Variants in ANHX observed in about 807,000 individuals in gnomAD.
The protein encoded by ANHX is anomalous homeobox.
ANHX carries 20 observed loss-of-function variants against 38.9 expected under a neutral mutation model. The ratio of observed to expected loss-of-function variants is 0.51; its 90% CI spans 0.36 to 0.75. ANHX has a LOEUF of 0.75. ANHX is among the 30% of genes least tolerant of loss of function. The pLI is 0.00. For missense variants in ANHX, 475 were observed against 493.1 expected, an observed-to-expected ratio of 0.96 and a Z score of 0.35; for synonymous variants, 185 against 203.1, an observed-to-expected ratio of 0.91 and a Z score of 0.76.
At chr12:133,232,573 C>A (rs1313209468) in intron 2 of ANHX, among the ~76,000 whole-genome samples, 3 of 152,176 alleles carry the variant, frequency 2.0e-5, no homozygotes, top group Non-Finnish European at 4.4e-5. Context: ...GAACACCCTG[C>A]ACAGGCTGGG....
intron 9 of ANHX, 45 bp from the exon 10 acceptor site, chr12:133,219,016 C>A: frequency 6.7e-7 from 1 of 1,488,142 alleles, no homozygotes; most frequent in Non-Finnish European, 9.0e-7. Flanking sequence ...CCTTTCCAGG[C>A]TCAAGACCTG....
At chr12:133,225,305 A>G (rs146542371) in intron 7 of ANHX, among the ~76,000 whole-genome samples, 6,849 of 149,308 alleles carry the variant, frequency 0.046, 181 homozygotes, top group African/African-American at 0.075. Flanking sequence ...CTTCAGTGAT[A>G]TGCATACATA....
At chr12:133,223,138 G>A (rs1432575132) in intron 7 of ANHX, among the ~76,000 whole-genome samples, 2 of 151,810 alleles carry the variant, frequency 1.3e-5, no homozygotes, top group Admixed American at 6.6e-5. Flanking sequence ...TCAGTGAGCC[G>A]AGATCGCACC....
chr12:133,233,039 G>GGGTA (rs1173285102), intron 2 of ANHX, among the ~76,000 whole-genome samples: 1 of 152,200 alleles, frequency 6.6e-6, no homozygotes, highest in Non-Finnish European at 1.5e-5. Flanking sequence ...GAAACCAGAA[G>GGGTA]GGTAGGTAGG....
In ANHX at chr12:133,221,540, T is replaced by C. The variant is rs1957108773; in HGVS notation, c.1133-188A>G. Among the ~76,000 whole-genome samples, 1 of 152,298 alleles carries C rather than the reference T, an allele frequency of 6.6e-6. No homozygotes were observed. Among genetic ancestry groups the C allele is most frequent in the Non-Finnish European group, 1.5e-5 (1 of 68,014 alleles). ...CTGAGGAAGGAACTGTCACAACCAT[T>C]GATCTCAACAGCCTTCCAGGCTTCC... is the stretch of plus-strand genomic sequence containing the variant. On this transcript the variant is annotated intron_variant, in intron 7 of 9. Coordinates refer to ENST00000545940, the MANE Select transcript of ANHX (RefSeq NM_001372060.1). This position sits in a 1 kb window ranked among gnomAD's most constrained non-coding sequence, Gnocchi z 4.1.
intron 1 of ANHX, 68 bp downstream of exon 1, chr12:133,235,739 A>T (rs1376312678): frequency 2.6e-5 from 1 of 38,182 alleles, no homozygotes; most frequent in East Asian, 7.9e-4. Context: ...CGCCCCTCAC[A>T]TTCCAGGCCC....
At chr12:133,220,644 G>A (rs1014937830) in intron 8 of ANHX, among the ~76,000 whole-genome samples, 3 of 152,120 alleles carry the variant, frequency 2.0e-5, no homozygotes, top group Admixed American at 6.5e-5. Context: ...AGGATGGGGC[G>A]TCTGCTAGAA....
Position 133,227,152 on chromosome 12 carries a change from C to A in ANHX, c.502G>T (p.Glu168Ter). 1 of 1,533,188 alleles carries A rather than the reference C, an allele frequency of 6.5e-7. No homozygotes were observed. Among genetic ancestry groups the A allele is most frequent in the South Asian group, 1.2e-5 (1 of 83,706 alleles). The allele number at this position is 1,533,188 out of a possible 1,614,324, so 95.0% of individuals were successfully genotyped here. A position where few individuals can be genotyped will look rare whatever the true frequency, so the allele number is the denominator to read the frequency against. The stretch of plus-strand genomic sequence containing the variant: ...AAGCTCGTCTCCAATGCCAAGTTCT[C>A]CTGCCCCCAAACAACAAGACTTCTA... ...VNTNPSKAER[E>*]NLALETSLTP... The change falls in exon 5 of 10, where the codon GAG becomes TAG. Residue 168 changes from glutamate to a stop codon, truncating the protein, a stop_gained and splice_region_variant. Transcript: ENST00000545940. LOFTEE classifies it high-confidence loss of function.
At chr12:133,235,644 T>G (rs1410244783) in intron 1 of ANHX, 163 bp downstream of exon 1, 2 of 123,480 alleles carry the variant, frequency 1.6e-5, no homozygotes, top group African/African-American at 3.2e-5. Context: ...CCCCTCACCT[T>G]CCGGGACCCC....
rs1174566341 is a variant in ANHX, at chr12:133,221,688, C to A, written c.1133-336G>T. ...GTCCTGCTGGTGCGGAAGGATGTGCCAGGAGCCCTCAGTCTCCTCTTGTGG... is the reference window on the plus strand; with the variant it reads ...GTCCTGCTGGTGCGGAAGGATGTGCAAGGAGCCCTCAGTCTCCTCTTGTGG... On this transcript the variant is annotated intron_variant, in intron 7 of 9. Coordinates refer to ENST00000545940, the MANE Select transcript of ANHX (RefSeq NM_001372060.1). The surrounding 1 kb of genome is among the most constrained non-coding windows in gnomAD (Gnocchi z 4.1). Among the ~76,000 whole-genome samples, 1 of 152,148 alleles carries A rather than the reference C, an allele frequency of 6.6e-6. No individual in the cohort carries two copies. Among genetic ancestry groups the A allele is most frequent in the African/African-American group, 2.4e-5 (1 of 41,426 alleles).
chr12:133,227,467 C>A (rs1957205539), intron 4 of ANHX, among the ~76,000 whole-genome samples: 1 of 152,210 alleles, frequency 6.6e-6, no homozygotes, highest in Non-Finnish European at 1.5e-5. Context: ...CCTGGAGGGG[C>A]AGGGCCTGCA....
At chr12:133,226,040 G>T (rs185784559) in intron 6 of ANHX, among the ~76,000 whole-genome samples, 3 of 152,336 alleles carry the variant, frequency 2.0e-5, no homozygotes, top group Non-Finnish European at 4.4e-5. Context: ...AGGGCTGCAT[G>T]TGTTTCCTTC....
rs907619509 is a variant in ANHX, at chr12:133,234,249, A to G, written c.108T>C (p.Leu36=). The G allele has an allele frequency of 1.3e-5, 20 of 1,536,042 alleles. No individual in the cohort carries two copies. The African/African-American group carries it at 2.5e-4, about 19-fold the overall frequency. The stretch of plus-strand genomic sequence containing the variant: ...CTGTGACCAAAGGCTGCAGTTGGGC[A>G]AGGTCATCCTGGAAGTCCCGGCACA... ...GRLCRDFQDD[L]AQLQPLVTAI... Residue 36 remains leucine (L), a synonymous_variant, in exon 2 of 10, where the codon CTT becomes CTC. Transcript: ENST00000545940.
rs140623110 is a variant in ANHX, at chr12:133,221,474, C to T, written c.1133-122G>A. ...CCTCCGGCCCAGCCAGCCCGCGCCACGTGAACCAGACTCACGGTCCCTGGG... is the reference window on the plus strand; with the variant it reads ...CCTCCGGCCCAGCCAGCCCGCGCCATGTGAACCAGACTCACGGTCCCTGGG... On this transcript the variant is annotated intron_variant, in intron 7 of 9. Coordinates refer to ENST00000545940, the MANE Select transcript of ANHX (RefSeq NM_001372060.1). The surrounding 1 kb of genome is among the most constrained non-coding windows in gnomAD (Gnocchi z 4.1). 89 of 1,152,398 alleles carry T rather than the reference C, an allele frequency of 7.7e-5. No individual in the cohort carries two copies. The highest frequency in any genetic ancestry group is 1.4e-4 in the Admixed American group (5 of 36,546). The allele number at this position is 1,152,398 out of a possible 1,614,324, so 71.4% of individuals were successfully genotyped here.
chr12:133,225,441 G>A (rs571320026), intron 7 of ANHX, among the ~76,000 whole-genome samples, 95 bp downstream of exon 7: 6 of 152,358 alleles, frequency 3.9e-5, no homozygotes, highest in East Asian at 1.9e-4. Context: ...GGTTCAAGCC[G>A]TGTGGCCCTA....
chr12:133,219,600 G>C (rs1171328939), intron 8 of ANHX, among the ~76,000 whole-genome samples: 1 of 152,192 alleles, frequency 6.6e-6, no homozygotes, highest in Non-Finnish European at 1.5e-5. Context: ...AGAGGGCTCA[G>C]AGCAGGGTCA....
At chr12:133,235,207 G>C (rs898537262) in intron 1 of ANHX, 7 of 152,256 alleles carry the variant, frequency 4.6e-5, no homozygotes, top group Admixed American at 4.6e-4. Context: ...CCCTGGACCT[G>C]GGGTCCCTTG....
At chr12:133,234,583 C>T (rs1957336860) in intron 1 of ANHX, 2 of 582,272 alleles carry the variant, frequency 3.4e-6, no homozygotes, top group Non-Finnish European at 6.0e-6. Flanking sequence ...CCCCCAAATA[C>T]TTTAGTCCTT....
At chr12:133,233,416 A>G (rs1392128372) in intron 2 of ANHX, among the ~76,000 whole-genome samples, 2 of 152,204 alleles carry the variant, frequency 1.3e-5, no homozygotes, top group Non-Finnish European at 2.9e-5. Flanking sequence ...GGTCAAAGAA[A>G]GGAAAAATAG....
Sources: gnomAD v4.1 joint callset for allele counts (sites outside exome capture counted in the v4.1 genomes callset) on GRCh38, gnomAD v4.1.1 for gene constraint, Gnocchi (gnomAD v3.1) non-coding constraint, MANE v1.5 for transcripts, NCBI Gene and HGNC (gene_info 2026-07-23, HGNC 2026-07-21) for gene names.